Variants in CDC123 observed in about 807,000 individuals in gnomAD.
The protein encoded by CDC123 is translation initiation factor eIF2 assembly protein.
CDC123 carries 37 observed loss-of-function variants against 54.4 expected under a neutral mutation model. That is an observed-to-expected ratio of 0.68 (90% confidence interval 0.52 to 0.89). The LOEUF (loss-of-function observed/expected upper bound fraction) is 0.89, where lower values mean the gene tolerates loss of function less well. CDC123 is among the 40% of genes least tolerant of loss of function. The pLI is 0.00. For synonymous variants in CDC123, 144 were observed against 136.8 expected, an observed-to-expected ratio of 1.05 and a Z score of -0.37; for missense variants, 361 against 412.1, an observed-to-expected ratio of 0.88 and a Z score of 1.07.
At position 12,250,398 on chromosome 10, in the gene CDC123, A is replaced by G. The variant is rs1032276471; in HGVS notation, c.*61A>G. On this transcript the variant is annotated 3_prime_UTR_variant, in exon 13 of 13. Transcript: ENST00000281141. ...CCCACCGCTCCGGGAGCTGCTCATC[A>G]GCCGCAACTTCCTGCCGACCCTGAT... 17 of 1,320,522 alleles carry G rather than the reference A, an allele frequency of 1.3e-5. No homozygotes were observed. The highest frequency in any genetic ancestry group is 1.9e-5 in the Non-Finnish European group (17 of 912,902). 81.8% of individuals were successfully genotyped at this position (1,320,522 alleles called of 1,614,324 possible).
chr10:12,199,522 C>G (rs1351518179), intron 2 of CDC123, among the ~76,000 whole-genome samples: 1 of 152,188 alleles, frequency 6.6e-6, no homozygotes, highest in Non-Finnish European at 1.5e-5. Flanking sequence ...TTCACCCCAG[C>G]TCATGGAACA....
chr10:12,209,247 C>CT lies in CDC123; in HGVS notation c.147-713dup, dbSNP rs1178175214. Reference sequence around the variant, plus strand: ...CTGTACTCTCATTTATTTATTTCTTCTTTTTTTGAGACGGGGTCTCACTCT... The same window carrying CT: ...CTGTACTCTCATTTATTTATTTCTTCTTTTTTTTGAGACGGGGTCTCACTCT... On this transcript the variant is annotated intron_variant, in intron 2 of 12. Transcript: ENST00000281141. Among the ~76,000 whole-genome samples the CT allele has an allele frequency of 4.6e-5, 7 of 151,918 alleles. 1 individual carries two copies. Among genetic ancestry groups the CT allele is most frequent in the African/African-American group, 1.7e-4 (7 of 41,332 alleles).
intron 2 of CDC123, among the ~76,000 whole-genome samples, chr10:12,204,111 G>T (rs185025095): frequency 3.1e-4 from 36 of 117,984 alleles, no homozygotes; most frequent in Admixed American, 2.8e-3. Flanking sequence ...AAAAAAAAAA[G>T]TATCAGGTAT....
rs1836223147 is a variant in CDC123 at position 12,250,328 on chromosome 10, G to C, written c.1002G>C (p.Glu334Asp). ...DFLKLKRNQQ[E>D]DD The stretch of plus-strand genomic sequence containing the variant: ...TTTGACAGAAGAGAAATCAGCAGGA[G>C]GACGACTGATGAGCGTACTGGAACT... Residue 334 changes from glutamate to aspartate, a missense_variant, in exon 13 of 13, where the codon GAG (glutamate) becomes GAC (aspartate). Physicochemically the swap from Glu to Asp is conservative, Grantham distance 45. Transcript: ENST00000281141. The C allele has an allele frequency of 1.2e-6, 2 of 1,600,206 alleles. No homozygotes were observed. The highest frequency in any genetic ancestry group is 2.7e-5 in the African/African-American group (2 of 74,626).
At chr10:12,248,406 G>A (rs564012859) in intron 11 of CDC123, among the ~76,000 whole-genome samples, 1 of 151,982 alleles carries the variant, frequency 6.6e-6, no homozygotes, top group East Asian at 1.9e-4. Context: ...CTACTTGGGA[G>A]GCTGAGGCAG....
intron 10 of CDC123, among the ~76,000 whole-genome samples, chr10:12,243,672 T>C (rs1441482361): frequency 1.3e-5 from 2 of 151,496 alleles, no homozygotes; most frequent in Non-Finnish European, 2.9e-5. Context: ...TAGTCCCAGC[T>C]ACTTGGGAGG....
At chr10:12,237,028 C>T (rs943476882) in intron 8 of CDC123, 116 bp from the exon 9 acceptor site, 1 of 1,253,060 alleles carries the variant, frequency 8.0e-7, no homozygotes, top group African/African-American at 1.6e-5. Context: ...CCGTACCCAT[C>T]AGGGTGATCT....
At chr10:12,216,751 G>A (rs1315227771) in intron 5 of CDC123, among the ~76,000 whole-genome samples, 1 of 152,184 alleles carries the variant, frequency 6.6e-6, no homozygotes, top group East Asian at 1.9e-4. Context: ...TTTTTTAAAT[G>A]ACTTAATTAT....
intron 10 of CDC123, among the ~76,000 whole-genome samples, chr10:12,238,957 T>C (rs1836016572): frequency 6.6e-6 from 1 of 151,502 alleles, no homozygotes; most frequent in Non-Finnish European, 1.5e-5. Context: ...GCCATTGTGC[T>C]GCAGCCTGGG....
In CDC123 at chr10:12,250,373, C is replaced by T; in HGVS notation, c.*36C>T. On this transcript the variant is annotated 3_prime_UTR_variant, in exon 13 of 13. Coordinates refer to ENST00000281141, the MANE Select transcript of CDC123 (RefSeq NM_006023.3). Reference sequence around the variant, plus strand: ...GGAACTGGAGAAGAGGAGGCCCCGCCCCACCGCTCCGGGAGCTGCTCATCA... The same window carrying T: ...GGAACTGGAGAAGAGGAGGCCCCGCTCCACCGCTCCGGGAGCTGCTCATCA... 6.4e-7 allele frequency: 1 copy of T among 1,550,790 alleles called. No homozygotes were observed. The highest frequency in any genetic ancestry group is 8.9e-7 in the Non-Finnish European group (1 of 1,122,980).
chr10:12,218,448 C>T (rs1835691186), intron 6 of CDC123, among the ~76,000 whole-genome samples: 1 of 151,916 alleles, frequency 6.6e-6, no homozygotes, highest in South Asian at 2.1e-4. Flanking sequence ...ACCATATTGG[C>T]CAGGCTGGTC....
chr10:12,233,732 A>C (rs999658223), intron 7 of CDC123, among the ~76,000 whole-genome samples: 2 of 152,124 alleles, frequency 1.3e-5, no homozygotes, highest in African/African-American at 2.4e-5. Flanking sequence ...GGCTTGACTA[A>C]GAGCTTATAA....
At chr10:12,236,716 C>G (rs915118019) in intron 8 of CDC123, among the ~76,000 whole-genome samples, 7 of 151,912 alleles carry the variant, frequency 4.6e-5, no homozygotes, top group African/African-American at 1.7e-4. Context: ...ATGGTGAAAC[C>G]CCATCTCTGC....
intron 2 of CDC123, among the ~76,000 whole-genome samples, chr10:12,200,276 G>A (rs984804108): frequency 9.9e-5 from 15 of 151,508 alleles, no homozygotes; most frequent in East Asian, 3.9e-4. Flanking sequence ...ACAGGTGTGC[G>A]CCACCACATC....
At chr10:12,249,929 T>C in intron 12 of CDC123, 1 of 616,672 alleles carries the variant, frequency 1.6e-6, no homozygotes, top group Non-Finnish European at 2.6e-6. Flanking sequence ...AATGTTTTTA[T>C]GCTGTACATG....
In CDC123 at chr10:12,226,904, C is replaced by T. The variant is rs189850798; in HGVS notation, c.441-4044C>T. Among the ~76,000 whole-genome samples, 904 of 152,194 alleles carry T rather than the reference C, an allele frequency of 5.9e-3. 5 individuals are homozygous for T. Among genetic ancestry groups the T allele is most frequent in the Non-Finnish European group, 1.0e-2 (677 of 68,000 alleles). Reference sequence around the variant, plus strand: ...CGGCACTTTGGGAGGCGAAGGCAGGCGGCTGGGAGGTGGAGGTTGTAGCGA... The same window carrying T: ...CGGCACTTTGGGAGGCGAAGGCAGGTGGCTGGGAGGTGGAGGTTGTAGCGA... On this transcript the variant is annotated intron_variant, in intron 6 of 12. Transcript: ENST00000281141.
At position 12,216,489 on chromosome 10, in the gene CDC123, T is replaced by C. The variant is rs1407243393; in HGVS notation, c.333+654T>C. On this transcript the variant is annotated intron_variant, in intron 5 of 12. Coordinates refer to ENST00000281141, the MANE Select transcript of CDC123 (RefSeq NM_006023.3). The stretch of plus-strand genomic sequence containing the variant: ...ATTATTTTTTCTTTTTTGTTTTTAC[T>C]TCTAAAAATTAATTATACTCTACAT... 2.6e-5 allele frequency among the ~76,000 whole-genome samples: 4 copies of C among 152,340 alleles called. No homozygotes were observed. The East Asian group carries it at 7.7e-4, about 29-fold the overall frequency.
intron 5 of CDC123, among the ~76,000 whole-genome samples, chr10:12,217,136 G>A (rs976861719): frequency 6.6e-6 from 1 of 152,212 alleles, no homozygotes; most frequent in Admixed American, 6.5e-5. Context: ...GGGCTGAAAT[G>A]TGAGGACCCT....
At chr10:12,239,542 G>A (rs1047735345) in intron 10 of CDC123, among the ~76,000 whole-genome samples, 3 of 151,716 alleles carry the variant, frequency 2.0e-5, no homozygotes, top group Non-Finnish European at 4.4e-5. Flanking sequence ...GAGAAACCCT[G>A]TCTCTACTAA....
Sources: allele counts gnomAD v4.1 joint callset (sites outside exome capture counted in the v4.1 genomes callset), GRCh38; gene constraint gnomAD v4.1.1; transcripts MANE v1.5; gene names NCBI Gene and HGNC (gene_info 2026-07-23, HGNC 2026-07-21).